CLCN7: variants seen among roughly 807,000 people sequenced by gnomAD.
The protein encoded by CLCN7 is Cl-/H+ antiporter 7, also known as H(+)/Cl(-) exchange transporter 7.
A neutral mutation model predicts 102.1 loss-of-function variants in CLCN7; 60 were observed. The observed-to-expected ratio is 0.59, with a 90% CI of 0.48 to 0.73. CLCN7 has a LOEUF of 0.73. CLCN7 is among the 30% of genes least tolerant of loss of function. The pLI, the probability that CLCN7 is intolerant of heterozygous loss-of-function variation, is 0.00. For synonymous variants in CLCN7, 560 were observed against 490.5 expected (o/e 1.14, Z -1.87); for missense variants, 962 against 1,125.7 (o/e 0.85, Z 2.08).
In CLCN7 at chr16:1,457,904, C is replaced by T; in HGVS notation, c.676-148G>A. ...GGGGGCCAGCACCCCCAGGCTGGGT[C>T]TCCCCATGGCCACAGTGGAGCTAAA... On this transcript the variant is annotated intron_variant, in intron 7 of 24. Coordinates refer to ENST00000382745, the MANE Select transcript of CLCN7 (RefSeq NM_001287.6). The surrounding 1 kb of genome is among the most constrained non-coding windows in gnomAD (Gnocchi z 5.4). The T allele has an allele frequency of 1.3e-6, 1 of 764,276 alleles. No individual in the cohort carries two copies. Among genetic ancestry groups the T allele is most frequent in the Non-Finnish European group, 2.3e-6 (1 of 441,020 alleles). The allele number at this position is 764,276 out of a possible 1,614,324, so 47.3% of individuals were successfully genotyped here. A position where few individuals can be genotyped will look rare whatever the true frequency, so the allele number is the denominator to read the frequency against.
chr16:1,447,436 C>T lies in CLCN7; in HGVS notation c.2206G>A (p.Asp736Asn). The change falls in exon 23 of 25, where the codon GAC becomes AAC. Residue 736 changes from aspartate (D) to asparagine (N), a missense_variant. Physicochemically the swap from Asp to Asn is conservative, Grantham distance 23. This residue lies in a region of CLCN7 where 799 missense variants were observed against 988.0 expected (regional missense o/e 0.81). Transcript: ENST00000382745. Reference sequence around the variant, plus strand: ...GAGGGGTTCATGAACTCGGAGAGGTCCATGGTGCACTCCCGCTCGTCCTGG... The same window carrying T: ...GAGGGGTTCATGAACTCGGAGAGGTTCATGGTGCACTCCCGCTCGTCCTGG... ...VSQDERECTM[D>N]LSEFMNPSPY... 1 of 1,552,070 alleles carries T rather than the reference C, an allele frequency of 6.4e-7. No homozygotes were observed. The highest frequency in any genetic ancestry group is 8.7e-7 in the Non-Finnish European group (1 of 1,147,934).
In CLCN7 at chr16:1,444,965, A is replaced by G. The variant is rs2038609178; in HGVS notation, c.*1666T>C. 6.5e-6 allele frequency: 1 copy of G among 152,702 alleles called. No homozygotes were observed. The highest frequency in any genetic ancestry group is 1.5e-5 in the Non-Finnish European group (1 of 68,378). 9.5% of individuals were successfully genotyped at this position (152,702 alleles called of 1,614,324 possible). On this transcript the variant is annotated 3_prime_UTR_variant, in exon 25 of 25. Transcript: ENST00000382745. The stretch of plus-strand genomic sequence containing the variant: ...CCTAACCGCTGATTTTATTTAACCG[A>G]ATATATCCAAAATATGATCACTTCC...
chr16:1,459,096 C>T lies in CLCN7; in HGVS notation c.675+11G>A, dbSNP rs768339979. The T allele has an allele frequency of 2.4e-5, 38 of 1,604,034 alleles. No homozygotes were observed. In the Middle Eastern group the frequency reaches 5.0e-4, roughly 21 times the overall value. ...GCCCACCCTGCCCAGCCAGGGCCACCGCACCCTCACCTTGAGCCGCACCAC... is the reference window on the plus strand; with the variant it reads ...GCCCACCCTGCCCAGCCAGGGCCACTGCACCCTCACCTTGAGCCGCACCAC... On this transcript the variant is annotated intron_variant, in intron 7 of 24. Transcript: ENST00000382745.
In CLCN7 at chr16:1,448,740, C is replaced by A. The variant is rs765200389; in HGVS notation, c.1824G>T (p.Leu608=). The change falls in exon 20 of 25, where the codon CTG becomes CTT. Residue 608 remains leucine, a synonymous_variant. Transcript: ENST00000382745. ...CCCAGTGCAGGAAGGGCACACTCTG[C>A]AGCTGAATGTGCATGTCGTACAGGC... ...IEGLYDMHIQ[L]QSVPFLHWEA... 1.9e-6 allele frequency: 3 copies of A among 1,612,376 alleles called. No individual in the cohort carries two copies. In the African/African-American group the frequency reaches 4.0e-5, roughly 22 times the overall value.
rs756857549 is a variant in CLCN7 at position 1,453,807 on chromosome 16, G to A, written c.1214+27C>T. 8.7e-6 allele frequency: 14 copies of A among 1,611,268 alleles called. No individual in the cohort carries two copies. The Admixed American group carries it at 1.7e-4, about 19-fold the overall frequency. ...GGCCTGTGTGGCCACGCCTGCCAAC[G>A]CGATATGCAATGCGGTTTCTCCTCA... On this transcript the variant is annotated intron_variant, in intron 14 of 24. Transcript: ENST00000382745.
chr16:1,474,773 G>GGCGC lies in CLCN7; in HGVS notation c.141+57_141+60dup, dbSNP rs34728685. 0.1 allele frequency: 124,999 copies of GGCGC among 1,218,850 alleles called. 8,036 individuals carry two copies. Among genetic ancestry groups the GGCGC allele is most frequent in the African/African-American group, 0.27 (16,929 of 62,048 alleles). 75.5% of individuals were successfully genotyped at this position (1,218,850 alleles called of 1,614,324 possible). ...GCGGCGCCGCCAGAAGGCTCACGAG[G>GGCGC]GCGCGGGCTGCGGGGCGCACGAGGG... On this transcript the variant is annotated intron_variant, in intron 1 of 24. Coordinates refer to ENST00000382745, the MANE Select transcript of CLCN7 (RefSeq NM_001287.6).
At chr16:1,466,274 C>T (rs1057095320) in intron 1 of CLCN7, among the ~76,000 whole-genome samples, 2 of 152,238 alleles carry the variant, frequency 1.3e-5, no homozygotes, top group African/African-American at 2.4e-5. Context: ...GCAGCCCTCC[C>T]GGCCCCCAAC....
chr16:1,474,026 G>C (rs2039115863), intron 1 of CLCN7: 1 of 407,970 alleles, frequency 2.5e-6, no homozygotes, highest in South Asian at 1.8e-5. Context: ...GGGGGTTGCA[G>C]TGAGCCGAGA....
chr16:1,457,136 C>A lies in CLCN7; in HGVS notation c.822+118G>T. On this transcript the variant is annotated intron_variant, in intron 9 of 24. Coordinates refer to ENST00000382745, the MANE Select transcript of CLCN7 (RefSeq NM_001287.6). The surrounding 1 kb of genome is among the most constrained non-coding windows in gnomAD (Gnocchi z 5.4). ...CTCTGGGAGCCACCCGCCAGGCTGT[C>A]CTCAGATGGGGCTGGGGCTCTCGGC... 1.0e-6 allele frequency: 1 copy of A among 985,698 alleles called. No individual in the cohort carries two copies. The highest frequency in any genetic ancestry group is 1.6e-6 in the Non-Finnish European group (1 of 622,198). The allele number at this position is 985,698 out of a possible 1,614,324, so 61.1% of individuals were successfully genotyped here. A position where few individuals can be genotyped will look rare whatever the true frequency, so the allele number is the denominator to read the frequency against.
intron 21 of CLCN7, 94 bp downstream of exon 21, chr16:1,448,261 G>A: frequency 6.5e-7 from 1 of 1,541,488 alleles, no homozygotes; most frequent in East Asian, 2.3e-5. Flanking sequence ...CAAACGTGCA[G>A]CTTCCCCATC....
At chr16:1,470,756 C>T (rs551866523) in intron 1 of CLCN7, among the ~76,000 whole-genome samples, 121 of 152,340 alleles carry the variant, frequency 7.9e-4, no homozygotes, top group Non-Finnish European at 1.4e-3. Flanking sequence ...GACCCTCCCC[C>T]GCAGCCTTGC....
rs2038941374 is a variant in CLCN7 at position 1,461,736 on chromosome 16, T to A, written c.214-62A>T. 6 of 1,380,744 alleles carry A rather than the reference T, an allele frequency of 4.3e-6. No homozygotes were observed. In the East Asian group the frequency reaches 1.4e-4, roughly 32 times the overall value. 85.5% of individuals were successfully genotyped at this position (1,380,744 alleles called of 1,614,324 possible). On this transcript the variant is annotated intron_variant, in intron 2 of 24. Coordinates refer to ENST00000382745, the MANE Select transcript of CLCN7 (RefSeq NM_001287.6). The stretch of plus-strand genomic sequence containing the variant: ...ACAAGGCCACAAGGAGAGAGGCCCC[T>A]CTCAGCTCACACACGAGGCCATTAT...
intron 18 of CLCN7, 72 bp downstream of exon 18, chr16:1,449,204 C>T (rs1163509490): frequency 3.2e-6 from 5 of 1,573,260 alleles, no homozygotes; most frequent in South Asian, 2.3e-5. Flanking sequence ...GACCCTAGCC[C>T]CGCAAGGACA....
intron 16 of CLCN7, 84 bp from the exon 17 acceptor site, chr16:1,450,750 CA>C: frequency 7.9e-7 from 1 of 1,260,462 alleles, no homozygotes; most frequent in Non-Finnish European, 1.1e-6. Context: ...TCTCGGGCCT[CA>C]CAGTCACCTT....
chr16:1,467,103 T>TG (rs143197939), intron 1 of CLCN7, among the ~76,000 whole-genome samples: 5,395 of 152,146 alleles, frequency 0.035, 358 homozygotes, highest in African/African-American at 0.12. Flanking sequence ...CACGTGCCAC[T>TG]GGCCCTTGGC....
At chr16:1,471,447 C>T (rs1446376022) in intron 1 of CLCN7, among the ~76,000 whole-genome samples, 1 of 152,162 alleles carries the variant, frequency 6.6e-6, no homozygotes, top group Non-Finnish European at 1.5e-5. Context: ...CGTCTGTGGC[C>T]ACACTGGGGT....
In CLCN7 at chr16:1,457,610, C is replaced by T. The variant is rs1300343088; in HGVS notation, c.738+84G>A. ...TTCCTGGAGACCAGAAGGACCGGTG[C>T]TCAGAGACACACATGGGCGTGGCGG... On this transcript the variant is annotated intron_variant, in intron 8 of 24. Transcript: ENST00000382745. The surrounding 1 kb of genome is among the most constrained non-coding windows in gnomAD (Gnocchi z 5.4). 1 of 1,391,738 alleles carries T rather than the reference C, an allele frequency of 7.2e-7. No homozygotes were observed. The highest frequency in any genetic ancestry group is 2.3e-5 in the East Asian group (1 of 42,894). The allele number at this position is 1,391,738 out of a possible 1,614,324, so 86.2% of individuals were successfully genotyped here.
At chr16:1,464,418 C>T (rs958461738) in intron 2 of CLCN7, among the ~76,000 whole-genome samples, 4 of 152,234 alleles carry the variant, frequency 2.6e-5, no homozygotes, top group African/African-American at 4.8e-5. Flanking sequence ...GTGCCGAAGG[C>T]GCCCACGGCC....
chr16:1,451,504 A>G, intron 16 of CLCN7, 119 bp downstream of exon 16: 1 of 771,384 alleles, frequency 1.3e-6, no homozygotes, highest in Non-Finnish European at 2.2e-6. Flanking sequence ...GCTATGATCC[A>G]TGCTAGGGAT....
Sources: gnomAD v4.1 joint callset for allele counts (sites outside exome capture counted in the v4.1 genomes callset) on GRCh38, gnomAD v4.1.1 for gene constraint, gnomAD v4.1.1 regional missense constraint, Gnocchi (gnomAD v3.1) non-coding constraint, MANE v1.5 for transcripts, NCBI Gene and HGNC (gene_info 2026-07-23, HGNC 2026-07-21) for gene names.